The following SAMD15 variants were observed in gnomAD, a reference collection of about 807,000 sequenced individuals.
SAMD15 encodes the protein sterile alpha motif domain containing 15.
A neutral mutation model predicts 50.5 loss-of-function variants in SAMD15; 37 were observed. The ratio of observed to expected loss-of-function variants is 0.73; its 90% confidence interval spans 0.56 to 0.96. The LOEUF is 0.96. Among genes scored for constraint, SAMD15 ranks in the 40% least tolerant of loss-of-function variants. The pLI, the probability that SAMD15 is intolerant of heterozygous loss-of-function variation, is 0.00. For missense variants in SAMD15, 789 were observed against 783.8 expected (o/e 1.01, Z -0.08); for synonymous variants, 255 against 282.8 (o/e 0.90, Z 0.99).
chr14:77,380,754 A>G (rs532976260), intron 2 of SAMD15, among the ~76,000 whole-genome samples: 1 of 152,000 alleles, frequency 6.6e-6, no homozygotes, highest in South Asian at 2.1e-4. Context: ...AGAACACCAC[A>G]GTGGCCTCCC....
At chr14:77,382,093 T>C (rs988091983) in intron 2 of SAMD15, among the ~76,000 whole-genome samples, 1 of 150,398 alleles carries the variant, frequency 6.6e-6, no homozygotes, top group African/African-American at 2.4e-5. Context: ...TGCGCAACCA[T>C]GCCCAGCTAA....
At chr14:77,380,517 T>G in intron 2 of SAMD15, 36 bp downstream of exon 2, 1 of 1,396,678 alleles carries the variant, frequency 7.2e-7, no homozygotes, top group Non-Finnish European at 1.0e-6. Context: ...CAGAGCACTG[T>G]TAACAGTGCC....
intron 2 of SAMD15, among the ~76,000 whole-genome samples, chr14:77,383,213 C>A (rs1026953080): frequency 6.6e-6 from 1 of 152,088 alleles, no homozygotes; most frequent in African/African-American, 2.4e-5. Flanking sequence ...TAGTCCTTGA[C>A]TTTCTTAATA....
rs1893899052 is a variant in SAMD15 at position 77,378,733 on chromosome 14, C to A, written c.1315C>A (p.Leu439Ile). 1 of 1,612,814 alleles carries A rather than the reference C, an allele frequency of 6.2e-7. No homozygotes were observed. Among genetic ancestry groups the A allele is most frequent in the Non-Finnish European group, 8.5e-7 (1 of 1,179,732 alleles). ...TAAGTATTCTGTAGGAAACGATGAG[C>A]TAGAGCACCGTGAGCCTAAAAGAGG... The part of the protein sequence containing the change: ...KSKYSVGNDE[L>I]EHREPKRGKL... The change falls in exon 1 of 3, where the codon CTA becomes ATA. Residue 439 changes from leucine to isoleucine, a missense_variant. This residue lies in a region of SAMD15 where 770 missense variants were observed against 745.4 expected (regional missense o/e 1.03). Coordinates refer to ENST00000216471, the MANE Select transcript of SAMD15 (RefSeq NM_001010860.4).
At position 77,388,766 on chromosome 14, in the gene SAMD15, G is replaced by A. The variant is rs764923229; in HGVS notation, c.1789-2242G>A. 9.9e-5 allele frequency among the ~76,000 whole-genome samples: 15 copies of A among 151,992 alleles called. No individual in the cohort carries two copies. In the East Asian group the frequency reaches 1.4e-3, roughly 14 times the overall value. On this transcript the variant is annotated intron_variant, in intron 2 of 2. Coordinates refer to ENST00000216471, the MANE Select transcript of SAMD15 (RefSeq NM_001010860.4). ...TGGGACTACAGGCGTGCACCACCACGTCCAGCTAATTTTTGTAATTTTAGT... is the reference window on the plus strand; with the variant it reads ...TGGGACTACAGGCGTGCACCACCACATCCAGCTAATTTTTGTAATTTTAGT...
intron 2 of SAMD15, among the ~76,000 whole-genome samples, chr14:77,390,715 C>T (rs1894062187): frequency 6.6e-6 from 1 of 152,044 alleles, no homozygotes; most frequent in Non-Finnish European, 1.5e-5. Flanking sequence ...CATGGTGAAA[C>T]CCCATCTCTA....
intron 2 of SAMD15, among the ~76,000 whole-genome samples, chr14:77,383,317 T>C (rs1454472091): frequency 6.6e-6 from 1 of 152,184 alleles, no homozygotes; most frequent in Non-Finnish European, 1.5e-5. Context: ...GTACCAAGAA[T>C]TTCAGCTTTT....
chr14:77,386,312 C>T (rs1221619353), intron 2 of SAMD15, among the ~76,000 whole-genome samples: 1 of 152,190 alleles, frequency 6.6e-6, no homozygotes, highest in Non-Finnish European at 1.5e-5. Flanking sequence ...GCAGTCAGCC[C>T]ATCCCTTTAC....
chr14:77,385,082 C>G (rs1893988979), intron 2 of SAMD15, among the ~76,000 whole-genome samples: 2 of 151,822 alleles, frequency 1.3e-5, no homozygotes, highest in African/African-American at 4.8e-5. Context: ...ACTAGGGAGG[C>G]AGAGGCAGGA....
In SAMD15 at chr14:77,378,142, G is replaced by A; in HGVS notation, c.724G>A (p.Glu242Lys). 1 of 1,613,702 alleles carries A rather than the reference G, an allele frequency of 6.2e-7. No individual in the cohort carries two copies. The highest frequency in any genetic ancestry group is 1.7e-5 in the Admixed American group (1 of 59,910). Residue 242 changes from glutamate (E) to lysine (K), a missense_variant, in exon 1 of 3, where the codon GAG becomes AAG. Coordinates refer to ENST00000216471, the MANE Select transcript of SAMD15 (RefSeq NM_001010860.4). Reference sequence around the variant, plus strand: ...AAAGATGACCAAACCAGAGACTCCAGAGGAGACACAAAGAGAGTCAACTGA... The same window carrying A: ...AAAGATGACCAAACCAGAGACTCCAAAGGAGACACAAAGAGAGTCAACTGA... ...PPKMTKPETP[E>K]ETQRESTEKK...
intron 2 of SAMD15, 111 bp downstream of exon 2, chr14:77,380,592 A>G (rs577209277): frequency 1.1e-4 from 73 of 680,358 alleles, no homozygotes; most frequent in African/African-American, 9.2e-4. Flanking sequence ...CAATGGTGTC[A>G]TCATAATTCC....
Position 77,378,073 on chromosome 14 carries a change from G to T in SAMD15, c.655G>T (p.Glu219Ter). The T allele has an allele frequency of 1.2e-6, 2 of 1,613,944 alleles. No homozygotes were observed. Among genetic ancestry groups the T allele is most frequent in the Non-Finnish European group, 8.5e-7 (1 of 1,180,026 alleles). The change falls in exon 1 of 3, where the codon GAG becomes TAG. Residue 219 changes from glutamate to a stop codon, truncating the protein, a stop_gained. Transcript: ENST00000216471. LOFTEE classifies it high-confidence loss of function. ...PEQTKQDFPS[E>*]KLGESLEETD... ...GCAGACCAAACAAGATTTTCCAAGT[G>T]AGAAACTAGGAGAATCACTTGAAGA...
intron 2 of SAMD15, among the ~76,000 whole-genome samples, chr14:77,388,102 C>A (rs1035878686): frequency 6.6e-6 from 1 of 152,154 alleles, no homozygotes; most frequent in African/African-American, 2.4e-5. Context: ...CATTACAATA[C>A]TGTGCAAAAC....
intron 2 of SAMD15, among the ~76,000 whole-genome samples, chr14:77,389,496 ATTTTTT>A (rs768983521): frequency 3.6e-5 from 4 of 111,654 alleles, no homozygotes; most frequent in Admixed American, 1.1e-4. Context: ...GGCAATCACA[ATTTTTT>A]TTTTTTTTTT....
At chr14:77,390,210 G>A (rs112469035) in intron 2 of SAMD15, among the ~76,000 whole-genome samples, 14 of 151,974 alleles carry the variant, frequency 9.2e-5, no homozygotes, top group African/African-American at 3.4e-4. Flanking sequence ...TGGCCAGACT[G>A]TTCTCGAACT....
At chr14:77,389,260 G>A (rs1283145654) in intron 2 of SAMD15, among the ~76,000 whole-genome samples, 2 of 152,086 alleles carry the variant, frequency 1.3e-5, no homozygotes, top group East Asian at 3.9e-4. Flanking sequence ...TTGCTAATGG[G>A]CAGTTTTATA....
Position 77,391,152 on chromosome 14 carries a change from T to C in SAMD15, c.1933T>C (p.Ser645Pro). 1 of 1,613,986 alleles carries C rather than the reference T, an allele frequency of 6.2e-7. No homozygotes were observed. Among genetic ancestry groups the C allele is most frequent in the South Asian group, 1.1e-5 (1 of 91,078 alleles). The change falls in exon 3 of 3, where the codon TCT (serine) becomes CCT (proline). Residue 645 changes from serine (S) to proline (P), a missense_variant. Ser to Pro is a moderately conservative substitution (Grantham distance 74). This residue lies in a region of SAMD15 where 19 missense variants were observed against 38.3 expected (regional missense o/e 0.50). Transcript: ENST00000216471. ...TGIKSDSLTL[S>P]EFVKAAGLQD... ...GATAAAATCTGATTCCTTGACTTTATCTGAATTTGTCAAAGCAGCAGGATT... is the reference window on the plus strand; with the variant it reads ...GATAAAATCTGATTCCTTGACTTTACCTGAATTTGTCAAAGCAGCAGGATT...
intron 2 of SAMD15, among the ~76,000 whole-genome samples, chr14:77,389,211 A>AG (rs1407180827): frequency 6.6e-6 from 1 of 152,218 alleles, no homozygotes; most frequent in Non-Finnish European, 1.5e-5. Flanking sequence ...AGTTCAAGTA[A>AG]GATCTGAGAA....
chr14:77,388,178 G>A (rs1253987062), intron 2 of SAMD15, among the ~76,000 whole-genome samples: 1 of 152,168 alleles, frequency 6.6e-6, no homozygotes, highest in Non-Finnish European at 1.5e-5. Context: ...GTATATGACT[G>A]CAGTGTACCT....
Sources: gnomAD v4.1 joint callset for allele counts (sites outside exome capture counted in the v4.1 genomes callset) on GRCh38, gnomAD v4.1.1 for gene constraint, gnomAD v4.1.1 regional missense constraint, MANE v1.5 for transcripts, NCBI Gene and HGNC (gene_info 2026-07-23, HGNC 2026-07-21) for gene names.